The following SERGEF variants were observed in gnomAD, a reference collection of about 807,000 sequenced individuals.
SERGEF encodes secretion-regulating guanine nucleotide exchange factor.
A neutral mutation model predicts 50.0 loss-of-function variants in SERGEF; 51 were observed. The observed-to-expected ratio is 1.02, with a 90% confidence interval of 0.81 to 1.29. SERGEF has a LOEUF of 1.29. SERGEF is among the 50% of genes most tolerant of loss of function. The pLI is 0.00. For missense variants in SERGEF, 521 were observed against 557.0 expected (o/e 0.94, Z 0.65); for synonymous variants, 205 against 212.4 (o/e 0.97, Z 0.30).
At chr11:17,907,632 T>C (rs1478981040) in intron 9 of SERGEF, among the ~76,000 whole-genome samples, 1 of 152,170 alleles carries the variant, frequency 6.6e-6, no homozygotes, top group African/African-American at 2.4e-5. Context: ...TGGAGGAGGA[T>C]AGAACTATCC....
intron 9 of SERGEF, among the ~76,000 whole-genome samples, chr11:17,905,450 T>C (rs1851821250): frequency 6.6e-6 from 1 of 152,164 alleles, no homozygotes; most frequent in African/African-American, 2.4e-5. Flanking sequence ...CTACCAAGCA[T>C]TCTTGGGGAG....
intron 9 of SERGEF, among the ~76,000 whole-genome samples, chr11:17,909,977 G>T (rs1040602777): frequency 6.6e-6 from 1 of 152,088 alleles, no homozygotes; most frequent in Admixed American, 6.5e-5. Context: ...TTCTCTCTTT[G>T]TCTAGTTCCC....
chr11:17,813,907 T>G (rs1849917478), intron 10 of SERGEF, among the ~76,000 whole-genome samples: 1 of 152,236 alleles, frequency 6.6e-6, no homozygotes, highest in Admixed American at 6.5e-5. Flanking sequence ...GTGGGGACAC[T>G]GCTTCCCTGA....
At chr11:17,935,534 A>G (rs928900510) in intron 9 of SERGEF, among the ~76,000 whole-genome samples, 2 of 152,222 alleles carry the variant, frequency 1.3e-5, no homozygotes, top group African/African-American at 4.8e-5. Context: ...AGAGCTGGAC[A>G]GAACCTTAGA....
chr11:17,789,630 A>C (rs1354371027), intron 10 of SERGEF, among the ~76,000 whole-genome samples: 1 of 152,272 alleles, frequency 6.6e-6, no homozygotes, highest in African/African-American at 2.4e-5. Context: ...AGAAAAGAAA[A>C]GAAACAATGG....
In SERGEF at chr11:17,888,619, TCACAGTTTTACACACACACACA is replaced by T. The variant is rs1851473955; in HGVS notation, c.1012-10397_1012-10376del. The stretch of plus-strand genomic sequence containing the variant: ...TAGAATTAGAGTTATCAGTATGAAC[TCACAGTTTTACACACACACACA>T]CACACACACACACACACACACACAC... On this transcript the variant is annotated intron_variant, in intron 9 of 10. Coordinates refer to ENST00000265965, the MANE Select transcript of SERGEF (RefSeq NM_012139.4). This position sits in a 1 kb window ranked among gnomAD's most constrained non-coding sequence, Gnocchi z 4.1. Among the ~76,000 whole-genome samples the T allele has an allele frequency of 6.9e-6, 1 of 145,002 alleles. No individual in the cohort carries two copies. Among genetic ancestry groups the T allele is most frequent in the Non-Finnish European group, 1.5e-5 (1 of 66,430 alleles).
At chr11:17,796,063 C>T (rs1849567699) in intron 10 of SERGEF, among the ~76,000 whole-genome samples, 2 of 152,130 alleles carry the variant, frequency 1.3e-5, no homozygotes, top group African/African-American at 4.8e-5. Flanking sequence ...GAATACATCC[C>T]AAATTGAGAA....
intron 8 of SERGEF, among the ~76,000 whole-genome samples, chr11:17,977,365 G>C (rs1282077012): frequency 6.6e-6 from 1 of 152,208 alleles, no homozygotes; most frequent in Non-Finnish European, 1.5e-5. Flanking sequence ...AGGAATCACA[G>C]AGACGAGCAT....
At chr11:17,860,228 A>G (rs889282051) in intron 10 of SERGEF, among the ~76,000 whole-genome samples, 12 of 152,230 alleles carry the variant, frequency 7.9e-5, no homozygotes, top group African/African-American at 2.9e-4. Flanking sequence ...ATAGAAAGTC[A>G]GTTAAAGGAA....
At chr11:17,898,384 A>G (rs1212854991) in intron 9 of SERGEF, among the ~76,000 whole-genome samples, 1 of 152,220 alleles carries the variant, frequency 6.6e-6, no homozygotes, top group African/African-American at 2.4e-5. Context: ...TTCAGGTTCT[A>G]TCACAATCTT....
chr11:17,889,182 T>C (rs1290920665), intron 9 of SERGEF, among the ~76,000 whole-genome samples: 7 of 152,226 alleles, frequency 4.6e-5, no homozygotes, highest in African/African-American at 1.7e-4. Context: ...TTAAAACTAC[T>C]GGGCAAAAGT....
intron 4 of SERGEF, among the ~76,000 whole-genome samples, chr11:18,002,477 G>A (rs575599404): frequency 6.6e-6 from 1 of 152,216 alleles, no homozygotes; most frequent in Admixed American, 6.5e-5. Context: ...AAACTCTCCT[G>A]TTTCATTCCG....
chr11:17,915,385 T>C (rs987532656), intron 9 of SERGEF, among the ~76,000 whole-genome samples: 25 of 152,188 alleles, frequency 1.6e-4, no homozygotes, highest in Non-Finnish European at 4.4e-5. Flanking sequence ...CAACCTCCCC[T>C]TTTTAAAGAG....
chr11:17,981,901 A>G (rs1853503049), intron 8 of SERGEF, among the ~76,000 whole-genome samples: 2 of 152,124 alleles, frequency 1.3e-5, no homozygotes. Flanking sequence ...CCTGGGCTCA[A>G]GCCATCCTCC....
At chr11:17,809,316 C>T (rs578090373) in intron 10 of SERGEF, among the ~76,000 whole-genome samples, 13 of 152,170 alleles carry the variant, frequency 8.5e-5, no homozygotes, top group South Asian at 6.2e-4. Context: ...ATGATAAGTA[C>T]GGGGCATATG....
intron 9 of SERGEF, among the ~76,000 whole-genome samples, chr11:17,909,872 G>T (rs957193994): frequency 1.3e-5 from 2 of 152,212 alleles, no homozygotes; most frequent in Non-Finnish European, 2.9e-5. Flanking sequence ...CAGCTGGAAA[G>T]CAGAGGACCA....
At chr11:17,828,490 CA>C (rs1850241620) in intron 10 of SERGEF, among the ~76,000 whole-genome samples, 2 of 152,218 alleles carry the variant, frequency 1.3e-5, no homozygotes, top group South Asian at 4.1e-4. Context: ...CTGCTCACTT[CA>C]AGTGGAGGAT....
At chr11:17,921,003 C>T (rs1378263771) in intron 9 of SERGEF, among the ~76,000 whole-genome samples, 1 of 152,180 alleles carries the variant, frequency 6.6e-6, no homozygotes, top group African/African-American at 2.4e-5. Context: ...AACACCCATC[C>T]AGTGGATCTG....
At chr11:17,929,360 A>C (rs1460793346) in intron 9 of SERGEF, among the ~76,000 whole-genome samples, 1 of 152,182 alleles carries the variant, frequency 6.6e-6, no homozygotes, top group Non-Finnish European at 1.5e-5. Context: ...AGGGCAGCTC[A>C]GTTTTTGCTC....
Sources: allele counts gnomAD v4.1 joint callset (sites outside exome capture counted in the v4.1 genomes callset), GRCh38; gene constraint gnomAD v4.1.1; non-coding constraint Gnocchi (gnomAD v3.1); transcripts MANE v1.5; gene names NCBI Gene and HGNC (gene_info 2026-07-23, HGNC 2026-07-21).